Variants in AKNAD1 observed in about 807,000 individuals in gnomAD.
The protein encoded by AKNAD1 is protein AKNAD1.
AKNAD1 carries 67 observed loss-of-function variants against 90.8 expected under a neutral mutation model. The observed-to-expected ratio is 0.74, with a 90% confidence interval of 0.61 to 0.90. AKNAD1 has a LOEUF of 0.90. AKNAD1 is among the 40% of genes least tolerant of loss of function. The probability of loss-of-function intolerance (pLI) is 0.00; values close to 1 mark genes in which losing one functional copy is unlikely to be tolerated. For missense variants in AKNAD1, 957 were observed against 975.4 expected (o/e 0.98, Z 0.25); for synonymous variants, 327 against 341.4 (o/e 0.96, Z 0.46).
chr1:108,817,053 A>G lies in AKNAD1; in HGVS notation c.2374T>C (p.Ser792Pro). The change falls in exon 15 of 16, where the codon TCT (serine) becomes CCT (proline). Residue 792 changes from serine (S) to proline (P), a missense_variant. Coordinates refer to ENST00000370001, the MANE Select transcript of AKNAD1 (RefSeq NM_152763.5). ...ATGATTTTCTAAGTCCTCACCTCAG[A>G]TTTTATTTCTTCAGTGCTATCAAAG... ...CDFDSTEEIKSEILNSALDHA... is the reference protein window; with the variant it reads ...CDFDSTEEIKPEILNSALDHA... The G allele has an allele frequency of 1.2e-6, 2 of 1,613,842 alleles. No homozygotes were observed. Among genetic ancestry groups the G allele is most frequent in the Non-Finnish European group, 8.5e-7 (1 of 1,179,914 alleles).
At chr1:108,838,402 G>T (rs1664445484) in intron 6 of AKNAD1, among the ~76,000 whole-genome samples, 1 of 151,354 alleles carries the variant, frequency 6.6e-6, no homozygotes, top group African/African-American at 2.4e-5. Flanking sequence ...AAAAATGAAT[G>T]TTAGGCATAA....
At chr1:108,821,257 C>G (rs998463260) in intron 13 of AKNAD1, among the ~76,000 whole-genome samples, 3 of 152,094 alleles carry the variant, frequency 2.0e-5, no homozygotes, top group African/African-American at 7.2e-5. Context: ...TCAAGACCAG[C>G]CTGGTCAACA....
intron 1 of AKNAD1, among the ~76,000 whole-genome samples, chr1:108,855,245 C>T (rs1349544737): frequency 6.6e-6 from 1 of 151,700 alleles, no homozygotes; most frequent in Non-Finnish European, 1.5e-5. Context: ...AACCCCGTCT[C>T]TACTAAAAAT....
chr1:108,828,155 A>C (rs1366924413), intron 10 of AKNAD1, among the ~76,000 whole-genome samples: 1 of 151,750 alleles, frequency 6.6e-6, no homozygotes, highest in Non-Finnish European at 1.5e-5. Context: ...GCTATACGTC[A>C]GTAATGGGTC....
chr1:108,833,687 T>TA (rs541722366), intron 9 of AKNAD1, among the ~76,000 whole-genome samples: 4,359 of 148,576 alleles, frequency 0.029, 172 homozygotes, highest in African/African-American at 0.094. Context: ...TTTTATAATT[T>TA]AAAAAAAAAG....
chr1:108,820,277 A>G (rs1184928264), intron 14 of AKNAD1, among the ~76,000 whole-genome samples: 1 of 152,244 alleles, frequency 6.6e-6, no homozygotes, highest in Admixed American at 6.5e-5. Context: ...TACAAAGACT[A>G]TGCGGCTTCT....
intron 11 of AKNAD1, among the ~76,000 whole-genome samples, chr1:108,826,724 T>A (rs1313484713): frequency 1.4e-5 from 2 of 142,044 alleles, no homozygotes; most frequent in African/African-American, 5.4e-5. Flanking sequence ...GATTCTTTTT[T>A]TCTTTTCTTT....
Position 108,823,355 on chromosome 1 carries a change from A to C in AKNAD1, c.2167+15T>G. 10 of 1,561,994 alleles carry C rather than the reference A, an allele frequency of 6.4e-6. No individual in the cohort carries two copies. The highest frequency in any genetic ancestry group is 1.4e-5 in the African/African-American group (1 of 73,946). On this transcript the variant is annotated intron_variant, in intron 13 of 15. Transcript: ENST00000370001. ...GTTGTTGATATGGATGGGGTCATGCAGGAGATGTACTTACAGGGTGAAGAG... is the reference window on the plus strand; with the variant it reads ...GTTGTTGATATGGATGGGGTCATGCCGGAGATGTACTTACAGGGTGAAGAG...
intron 8 of AKNAD1, 82 bp downstream of exon 8, chr1:108,834,847 C>T: frequency 6.7e-7 from 1 of 1,491,886 alleles, no homozygotes; most frequent in Non-Finnish European, 8.9e-7. Flanking sequence ...GTGGGAGCCT[C>T]ATGGGCCTTC....
At position 108,852,218 on chromosome 1, in the gene AKNAD1, T is replaced by A; in HGVS notation, c.447A>T (p.Lys149Asn). The part of the protein sequence containing the change: ...ADSFEEEAII[K>N]SIISCYNKNS... The stretch of plus-strand genomic sequence containing the variant: ...TCTTATTATAACATGAAATAATACT[T>A]TTAATAATAGCTTCCTCTTCAAAAC... Residue 149 changes from lysine to asparagine, a missense_variant, in exon 2 of 16, where the codon AAA becomes AAT. Lys to Asn is a moderately conservative substitution (Grantham distance 94). Transcript: ENST00000370001. The A allele has an allele frequency of 6.2e-7, 1 of 1,613,420 alleles. No individual in the cohort carries two copies. The highest frequency in any genetic ancestry group is 8.5e-7 in the Non-Finnish European group (1 of 1,179,706).
Position 108,816,245 on chromosome 1 carries a change from T to C in AKNAD1, c.2437A>G (p.Thr813Ala), listed in dbSNP as rs760267283. 1 of 1,613,914 alleles carries C rather than the reference T, an allele frequency of 6.2e-7. No homozygotes were observed. Among genetic ancestry groups the C allele is most frequent in the Non-Finnish European group, 8.5e-7 (1 of 1,179,926 alleles). Reference protein sequence around the residue: ...LRTATILKETTDQMIKTIAED... With the variant: ...LRTATILKETADQMIKTIAED... Reference sequence around the variant, plus strand: ...GCAATCGTTTTAATCATTTGATCTGTAGTTTCTTTCAAAATGGTTGCTGTC... The same window carrying C: ...GCAATCGTTTTAATCATTTGATCTGCAGTTTCTTTCAAAATGGTTGCTGTC... Residue 813 changes from threonine (T) to alanine (A), a missense_variant, in exon 16 of 16, where the codon ACA becomes GCA. Transcript: ENST00000370001.
At chr1:108,831,667 G>A (rs34163947) in intron 9 of AKNAD1, among the ~76,000 whole-genome samples, 15,508 of 146,836 alleles carry the variant, frequency 0.11, 873 homozygotes, top group Non-Finnish European at 0.12. Flanking sequence ...TTTTTGAGAC[G>A]GAGTCTCACT....
chr1:108,855,562 G>A (rs1017826893), intron 1 of AKNAD1, among the ~76,000 whole-genome samples: 3 of 152,082 alleles, frequency 2.0e-5, no homozygotes, highest in Non-Finnish European at 2.9e-5. Context: ...TGAGGCAGGT[G>A]GATCACTTGA....
rs766467014 is a variant in AKNAD1 at position 108,849,069 on chromosome 1, G to A, written c.1034-9C>T. 1 of 1,573,052 alleles carries A rather than the reference G, an allele frequency of 6.4e-7. No homozygotes were observed. Among genetic ancestry groups the A allele is most frequent in the South Asian group, 1.2e-5 (1 of 82,360 alleles). On this transcript the variant is annotated splice_polypyrimidine_tract_variant and intron_variant, in intron 3 of 15. Transcript: ENST00000370001. ...TGCCTCAGATTCTATTCCTATACAA[G>A]AAAGAACACATTTGGGCTACCATTC...
At chr1:108,850,907 G>A (rs184951484) in intron 2 of AKNAD1, among the ~76,000 whole-genome samples, 15 of 112,974 alleles carry the variant, frequency 1.3e-4, no homozygotes, top group East Asian at 8.5e-4. Flanking sequence ...AGAAGTTGGC[G>A]TAAGGGAAAG....
rs1222622495 is a variant in AKNAD1, at chr1:108,851,688, G to A, written c.977C>T (p.Pro326Leu). 6.3e-7 allele frequency: 1 copy of A among 1,593,394 alleles called. No individual in the cohort carries two copies. Among genetic ancestry groups the A allele is most frequent in the Non-Finnish European group, 8.5e-7 (1 of 1,172,736 alleles). The change falls in exon 2 of 16, where the codon CCT becomes CTT. Residue 326 changes from proline to leucine, a missense_variant. Coordinates refer to ENST00000370001, the MANE Select transcript of AKNAD1 (RefSeq NM_152763.5). ...TTCATTTACCTGGATTTGTTGTGAA[G>A]GTTCAGTGATTTTCCCTTTCTGCTC... ...HQEQKGKITEPSQQIQMEPIV... is the reference protein window; with the variant it reads ...HQEQKGKITELSQQIQMEPIV...
chr1:108,843,264 G>A lies in AKNAD1; in HGVS notation c.1249C>T (p.Leu417=), dbSNP rs773318806. Residue 417 remains leucine, a synonymous_variant, in exon 6 of 16, where the codon CTG becomes TTG. Coordinates refer to ENST00000370001, the MANE Select transcript of AKNAD1 (RefSeq NM_152763.5). ...PYHLQDKKLV[L]EKLQGHLELL... Reference sequence around the variant, plus strand: ...TCAAGGTGTCCCTGCAGTTTCTCCAGGACCTGCAGCGGTGAAGTCACTGGA... The same window carrying A: ...TCAAGGTGTCCCTGCAGTTTCTCCAAGACCTGCAGCGGTGAAGTCACTGGA... The A allele has an allele frequency of 1.2e-6, 2 of 1,613,542 alleles. No individual in the cohort carries two copies. The highest frequency in any genetic ancestry group is 3.3e-5 in the Admixed American group (2 of 59,970).
intron 1 of AKNAD1, among the ~76,000 whole-genome samples, chr1:108,853,136 C>CTTTTT (rs889504364): frequency 3.0e-5 from 4 of 133,548 alleles, no homozygotes; most frequent in African/African-American, 1.2e-4. Context: ...TTTCTTTTTT[C>CTTTTT]TTTTTTTTTT....
intron 2 of AKNAD1, among the ~76,000 whole-genome samples, chr1:108,850,475 A>G (rs957479775): frequency 6.6e-6 from 1 of 152,126 alleles, no homozygotes; most frequent in Non-Finnish European, 1.5e-5. Flanking sequence ...GACACTTCCC[A>G]ATACCACGGG....
Sources: gnomAD v4.1 joint callset for allele counts (sites outside exome capture counted in the v4.1 genomes callset) on GRCh38, gnomAD v4.1.1 for gene constraint, MANE v1.5 for transcripts, NCBI Gene and HGNC (gene_info 2026-07-23, HGNC 2026-07-21) for gene names.